The following SPECC1 variants were observed in gnomAD, a reference collection of about 807,000 sequenced individuals.
SPECC1 encodes the protein sperm antigen with calponin homology and coiled-coil domains 1, also known as cytospin-B.
Under a neutral mutation model 104.1 loss-of-function variants are expected in SPECC1, and 62 were observed. The observed-to-expected ratio is 0.60, with a 90% confidence interval of 0.49 to 0.74. SPECC1 has a LOEUF of 0.74. SPECC1 is among the 30% of genes least tolerant of loss of function. SPECC1 has a pLI of 0.00. For synonymous variants in SPECC1, 513 were observed against 501.6 expected (o/e 1.02, Z -0.30); for missense variants, 1,306 against 1,310.5 (o/e 1.00, Z 0.05).
chr17:20,207,367 T>C (rs888528320), intron 4 of SPECC1, among the ~76,000 whole-genome samples: 17 of 152,212 alleles, frequency 1.1e-4, no homozygotes, highest in African/African-American at 4.1e-4. Context: ...CGGAAGTAAT[T>C]CCATTAGAGG....
chr17:20,295,194 C>T (rs554341191), intron 12 of SPECC1, among the ~76,000 whole-genome samples: 47 of 128,464 alleles, frequency 3.7e-4, no homozygotes, highest in African/African-American at 1.2e-3. Context: ...TGACAGGCCC[C>T]GGTGTGTGTT....
chr17:20,107,531 A>C (rs1261601369), intron 2 of SPECC1, among the ~76,000 whole-genome samples: 1 of 146,302 alleles, frequency 6.8e-6, no homozygotes, highest in East Asian at 2.0e-4. Flanking sequence ...ATCTCGGCTC[A>C]CTGTAACCTC....
At chr17:20,250,886 A>AT (rs2039599915) in intron 9 of SPECC1, among the ~76,000 whole-genome samples, 2 of 151,288 alleles carry the variant, frequency 1.3e-5, no homozygotes, top group African/African-American at 4.9e-5. Flanking sequence ...AAGGTGGTTA[A>AT]TATTGAAGCC....
chr17:20,194,610 G>A (rs1324183384), intron 3 of SPECC1, among the ~76,000 whole-genome samples: 5 of 147,230 alleles, frequency 3.4e-5, no homozygotes, highest in Non-Finnish European at 7.4e-5. Context: ...AGGTTCAAGC[G>A]ATTCCCCTGC....
rs766936820 is a variant in SPECC1 at position 20,246,068 on chromosome 17, C to A, written c.2494C>A (p.Pro832Thr). Residue 832 changes from proline to threonine, a missense_variant, in exon 8 of 15, where the codon CCA (proline) becomes ACA (threonine). By Grantham distance (38) the Pro-to-Thr change is conservative. Coordinates refer to ENST00000395527, the MANE Select transcript of SPECC1 (RefSeq NM_001243439.2). ...TATCAAGTCATTTGACTTGGGACGC[C>A]CAGGTATTTAATCATTTTTTCTATA... ...SLIKSFDLGR[P>T]GGAGQNISVH... 2.2e-5 allele frequency: 36 copies of A among 1,613,728 alleles called. No individual in the cohort carries two copies. The highest frequency in any genetic ancestry group is 2.8e-5 in the Non-Finnish European group (33 of 1,179,880).
At chr17:20,187,726 C>T (rs1597917608) in intron 3 of SPECC1, among the ~76,000 whole-genome samples, 1 of 152,232 alleles carries the variant, frequency 6.6e-6, no homozygotes, top group East Asian at 1.9e-4. Flanking sequence ...CACAGAAACC[C>T]ACATCTGCAG....
intron 1 of SPECC1, among the ~76,000 whole-genome samples, chr17:20,083,622 C>CAGTTTATGTATCCA (rs377049519): frequency 0.028 from 4,304 of 152,164 alleles, 100 homozygotes; most frequent in Non-Finnish European, 0.044. Context: ...GGGGATGCAT[C>CAGTTTATGTATCCA]AGTTTATGTA....
At chr17:20,078,257 A>G (rs1567827642) in intron 1 of SPECC1, among the ~76,000 whole-genome samples, 1 of 151,630 alleles carries the variant, frequency 6.6e-6, no homozygotes, top group South Asian at 2.1e-4. Flanking sequence ...ACATTGAAAG[A>G]CAAGCGTGTG....
intron 12 of SPECC1, among the ~76,000 whole-genome samples, chr17:20,279,867 G>C (rs545129893): frequency 1.3e-5 from 2 of 152,286 alleles, no homozygotes; most frequent in South Asian, 2.1e-4. Flanking sequence ...GGAGAAGGTG[G>C]ACAGATGGAT....
chr17:20,139,556 G>T (rs945093537), intron 3 of SPECC1, among the ~76,000 whole-genome samples: 2 of 152,134 alleles, frequency 1.3e-5, no homozygotes, highest in Non-Finnish European at 2.9e-5. Context: ...ATCTGGATTT[G>T]TCCTAACTGA....
intron 1 of SPECC1, among the ~76,000 whole-genome samples, chr17:20,029,357 G>C (rs9900562): frequency 0.99 from 151,360 of 152,330 alleles, 75,227 homozygotes; most frequent in Middle Eastern, 1. Flanking sequence ...TTTGTATATT[G>C]GTTTTCTATC....
intron 3 of SPECC1, among the ~76,000 whole-genome samples, chr17:20,189,469 T>C (rs1431301629): frequency 6.6e-6 from 1 of 152,200 alleles, no homozygotes; most frequent in East Asian, 1.9e-4. Context: ...CCAGAGCTGC[T>C]TGGCATTCTG....
At chr17:20,075,962 A>G (rs1278378765) in intron 1 of SPECC1, among the ~76,000 whole-genome samples, 1 of 152,094 alleles carries the variant, frequency 6.6e-6, no homozygotes, top group African/African-American at 2.4e-5. Flanking sequence ...ACTAAAAATT[A>G]AAATAAGTAA....
At chr17:20,270,433 CAAAAAAAAAAAAAAA>C (rs71157863) in intron 12 of SPECC1, among the ~76,000 whole-genome samples, 21 of 43,574 alleles carry the variant, frequency 4.8e-4, no homozygotes, top group Admixed American at 4.7e-3. Context: ...CTGTCTTTAC[CAAAAAAAAAAAAAAA>C]AAAAAAAAAA....
In SPECC1 at chr17:20,195,103, A is replaced by G. The variant is rs372062134; in HGVS notation, c.284-9230A>G. On this transcript the variant is annotated intron_variant, in intron 3 of 14. Transcript: ENST00000395527. ...CTCCTGTTTTGCTTGATATTCATGA[A>G]CATTTCATCTCTCCATGAGAGTCCT... Among the ~76,000 whole-genome samples, 28 of 152,284 alleles carry G rather than the reference A, an allele frequency of 1.8e-4. No homozygotes were observed. In the South Asian group the frequency reaches 3.3e-3, roughly 18 times the overall value.
chr17:20,125,522 C>G (rs989663555), intron 3 of SPECC1, among the ~76,000 whole-genome samples: 1 of 152,226 alleles, frequency 6.6e-6, no homozygotes, highest in Admixed American at 6.5e-5. Context: ...ACCCACTGAA[C>G]GACTCCCTGT....
At chr17:20,104,829 C>A (rs1056073241) in intron 2 of SPECC1, among the ~76,000 whole-genome samples, 1 of 151,158 alleles carries the variant, frequency 6.6e-6, no homozygotes, top group African/African-American at 2.4e-5. Flanking sequence ...CTTTCCAGGG[C>A]TCCATGGCTC....
At chr17:20,257,312 C>A in intron 10 of SPECC1, 139 bp from the exon 11 acceptor site, 2 of 990,108 alleles carry the variant, frequency 2.0e-6, no homozygotes, top group Non-Finnish European at 2.9e-6. Context: ...ATCCCTATTG[C>A]ATTTTTATTA....
At chr17:20,012,490 C>G (rs1295956160) in intron 1 of SPECC1, among the ~76,000 whole-genome samples, 2 of 150,322 alleles carry the variant, frequency 1.3e-5, no homozygotes, top group Non-Finnish European at 3.0e-5. Flanking sequence ...TGAATTGTAC[C>G]TTTTGGGAAT....
Sources: gnomAD v4.1 joint callset for allele counts (sites outside exome capture counted in the v4.1 genomes callset) on GRCh38, gnomAD v4.1.1 for gene constraint, MANE v1.5 for transcripts, NCBI Gene and HGNC (gene_info 2026-07-23, HGNC 2026-07-21) for gene names.